The following WDSUB1 variants were observed in gnomAD, a reference collection of about 807,000 sequenced individuals.
The protein encoded by WDSUB1 is WD repeat, SAM and U-box domain-containing protein 1.
WDSUB1 carries 49 observed loss-of-function variants against 53.9 expected under a neutral mutation model. That is an observed-to-expected ratio of 0.91 (90% confidence interval 0.72 to 1.15). The LOEUF (loss-of-function observed/expected upper bound fraction) is 1.15, where lower values mean the gene tolerates loss of function less well. Ranked by LOEUF, WDSUB1 falls within the 50% of genes most tolerant of loss-of-function variation. The pLI, the probability that WDSUB1 is intolerant of heterozygous loss-of-function variation, is 0.00. For missense variants in WDSUB1, 514 were observed against 562.0 expected (o/e 0.91, Z 0.86); for synonymous variants, 194 against 200.6 (o/e 0.97, Z 0.28).
chr2:159,263,446 T>C (rs759593451), intron 5 of WDSUB1, among the ~76,000 whole-genome samples: 16 of 152,202 alleles, frequency 1.1e-4, no homozygotes, highest in Non-Finnish European at 1.6e-4. Flanking sequence ...AAGATTAATA[T>C]AGATTAATAT....
At chr2:159,273,279 A>G (rs2061477637) in intron 4 of WDSUB1, among the ~76,000 whole-genome samples, 1 of 152,200 alleles carries the variant, frequency 6.6e-6, no homozygotes, top group Non-Finnish European at 1.5e-5. Context: ...TAAGTTGCAC[A>G]CCAAATTAAG....
At chr2:159,245,638 G>A (rs2060778242) in intron 10 of WDSUB1, among the ~76,000 whole-genome samples, 1 of 152,044 alleles carries the variant, frequency 6.6e-6, no homozygotes, top group Non-Finnish European at 1.5e-5. Flanking sequence ...TCTAGAAATG[G>A]ATGATTTCAA....
chr2:159,237,764 G>C (rs2060523655), intron 10 of WDSUB1, among the ~76,000 whole-genome samples: 1 of 45,076 alleles, frequency 2.2e-5, no homozygotes, highest in Non-Finnish European at 7.0e-5. Flanking sequence ...TAAGATGTAA[G>C]GACATCTGGG....
At chr2:159,254,809 G>C (rs2061025749) in intron 9 of WDSUB1, among the ~76,000 whole-genome samples, 1 of 152,050 alleles carries the variant, frequency 6.6e-6, no homozygotes. Context: ...ACTCTCAGAA[G>C]AAAGAGGAAG....
chr2:159,247,945 A>ATATATATATATAAATATATATAT (rs1412175372), intron 10 of WDSUB1, among the ~76,000 whole-genome samples: 1 of 107,608 alleles, frequency 9.3e-6, no homozygotes, highest in Admixed American at 1.1e-4. Context: ...ATATATATAA[A>ATATATATATATAAATATATATAT]ATTTGGATTC....
rs943259059 is a variant in WDSUB1 at position 159,286,607 on chromosome 2, T to G, written c.-49A>C. Reference sequence around the variant, plus strand: ...CCTGCAGGAGCGGGGGCGCGCGGGATCCGCCTTCAAGGTGCCCACGGGCGG... The same window carrying G: ...CCTGCAGGAGCGGGGGCGCGCGGGAGCCGCCTTCAAGGTGCCCACGGGCGG... On this transcript the variant is annotated 5_prime_UTR_variant, in exon 1 of 11. Transcript: ENST00000359774. 1 of 152,188 alleles carries G rather than the reference T, an allele frequency of 6.6e-6. No individual in the cohort carries two copies. Among genetic ancestry groups the G allele is most frequent in the African/African-American group, 2.4e-5 (1 of 41,404 alleles). The allele number at this position is 152,188 out of a possible 1,614,324, so 9.4% of individuals were successfully genotyped here. A position where few individuals can be genotyped will look rare whatever the true frequency, so the allele number is the denominator to read the frequency against.
At chr2:159,284,549 C>T (rs954646086) in intron 1 of WDSUB1, among the ~76,000 whole-genome samples, 1 of 152,068 alleles carries the variant, frequency 6.6e-6, no homozygotes, top group Non-Finnish European at 1.5e-5. Flanking sequence ...ATGTTGAAAG[C>T]TGTCCTATCA....
At chr2:159,259,702 C>A in intron 6 of WDSUB1, 108 bp downstream of exon 6, 1 of 1,190,528 alleles carries the variant, frequency 8.4e-7, no homozygotes, top group Non-Finnish European at 1.2e-6. Flanking sequence ...TGTTCTTAGT[C>A]ATACTAAACA....
At chr2:159,258,274 C>T (rs577105833) in intron 6 of WDSUB1, among the ~76,000 whole-genome samples, 2 of 152,198 alleles carry the variant, frequency 1.3e-5, no homozygotes, top group Non-Finnish European at 2.9e-5. Flanking sequence ...TTTGAACCTA[C>T]TAATAGTAAC....
intron 9 of WDSUB1, 29 bp from the exon 10 acceptor site, chr2:159,248,541 T>A: frequency 6.8e-7 from 1 of 1,475,738 alleles, no homozygotes; most frequent in South Asian, 1.5e-5. Context: ...TAGGGCTGGA[T>A]AACTACTAGT....
intron 3 of WDSUB1, among the ~76,000 whole-genome samples, chr2:159,277,888 G>A (rs1016475782): frequency 6.6e-6 from 1 of 152,032 alleles, no homozygotes; most frequent in East Asian, 1.9e-4. Context: ...AAATTATACC[G>A]AGAGAAGTGT....
At chr2:159,274,548 T>C (rs778504253) in intron 4 of WDSUB1, among the ~76,000 whole-genome samples, 6 of 152,136 alleles carry the variant, frequency 3.9e-5, no homozygotes, top group Non-Finnish European at 7.3e-5. Context: ...ACTTCACCCT[T>C]AGTATGCTGC....
intron 8 of WDSUB1, among the ~76,000 whole-genome samples, chr2:159,256,740 A>G (rs1167695612): frequency 6.6e-6 from 1 of 152,228 alleles, no homozygotes; most frequent in Admixed American, 6.5e-5. Context: ...TATCAGCACC[A>G]CTATTTAGAT....
intron 9 of WDSUB1, among the ~76,000 whole-genome samples, chr2:159,250,373 G>C (rs972612983): frequency 2.0e-5 from 3 of 152,104 alleles, no homozygotes; most frequent in Non-Finnish European, 2.9e-5. Context: ...ATATGATTTT[G>C]CAAAAATATT....
At position 159,274,796 on chromosome 2, in the gene WDSUB1, A is replaced by G. The variant is rs76377942; in HGVS notation, c.676+750T>C. The stretch of plus-strand genomic sequence containing the variant: ...GAGTACTAAGCAAAAAGGGGACTCA[A>G]CTGCAAACAAAGATCAGAAAACAGA... On this transcript the variant is annotated intron_variant, in intron 4 of 10. Coordinates refer to ENST00000359774, the MANE Select transcript of WDSUB1 (RefSeq NM_001128212.3). Among the ~76,000 whole-genome samples the G allele has an allele frequency of 3.1e-4, 47 of 152,346 alleles. No individual in the cohort carries two copies. In the East Asian group the frequency reaches 8.7e-3, roughly 28 times the overall value.
intron 5 of WDSUB1, among the ~76,000 whole-genome samples, chr2:159,271,152 G>A (rs779128576): frequency 1.3e-5 from 2 of 152,216 alleles, no homozygotes; most frequent in South Asian, 4.1e-4. Flanking sequence ...GTTGTTATCT[G>A]CCAAAGTTGA....
chr2:159,236,435 C>T (rs1034530045), intron 10 of WDSUB1, among the ~76,000 whole-genome samples: 1 of 152,056 alleles, frequency 6.6e-6, no homozygotes, highest in African/African-American at 2.4e-5. Context: ...TGAACAGTAC[C>T]ACTGAGACTG....
Position 159,243,543 on chromosome 2 carries a change from T to C in WDSUB1, c.1273+4829A>G, listed in dbSNP as rs1457800129. Among the ~76,000 whole-genome samples the C allele has an allele frequency of 1.4e-5, 2 of 142,992 alleles. 1 individual carries two copies. The highest frequency in any genetic ancestry group is 5.8e-5 in the African/African-American group (2 of 34,734). 93.8% of individuals were successfully genotyped at this position (142,992 alleles called of 152,430 possible). A position where few individuals can be genotyped will look rare whatever the true frequency, so the allele number is the denominator to read the frequency against. ...GTTACCAGTGGGGAAAGCTGGGAAG[T>C]GCACAAGGTATATGTCTCTATTGTT... On this transcript the variant is annotated intron_variant, in intron 10 of 10. Coordinates refer to ENST00000359774, the MANE Select transcript of WDSUB1 (RefSeq NM_001128212.3).
At chr2:159,267,979 A>C (rs1407185069) in intron 5 of WDSUB1, among the ~76,000 whole-genome samples, 2 of 152,362 alleles carry the variant, frequency 1.3e-5, no homozygotes, top group African/African-American at 4.8e-5. Flanking sequence ...AAAGCACTTG[A>C]TAATGTAAAC....
Sources: gnomAD v4.1 joint callset for allele counts (sites outside exome capture counted in the v4.1 genomes callset) on GRCh38, gnomAD v4.1.1 for gene constraint, MANE v1.5 for transcripts, NCBI Gene and HGNC (gene_info 2026-07-23, HGNC 2026-07-21) for gene names.